TTC7A: variants seen among roughly 807,000 people sequenced by gnomAD.
The protein encoded by TTC7A is tetratricopeptide repeat protein 7A.
In TTC7A, 110 loss-of-function variants were observed where a neutral mutation model predicts 103.7. That is an observed-to-expected ratio of 1.06 (90% CI 0.91 to 1.24). The LOEUF is 1.24. TTC7A is among the 50% of genes most tolerant of loss of function. The pLI is 0.00. For synonymous variants in TTC7A, 521 were observed against 467.9 expected, an observed-to-expected ratio of 1.11 and a Z score of -1.47; for missense variants, 1,340 against 1,116.3, an observed-to-expected ratio of 1.20 and a Z score of -2.86.
At position 47,001,869 on chromosome 2, in the gene TTC7A, A is replaced by AG. The variant is rs1377055605; in HGVS notation, c.1066-4053_1066-4052insG. ...AGCGAGACTCTGTCTCAAAAAAAAA[A>AG]AAAAAAAAAAGAGTAATGCATGTCA... is the stretch of plus-strand genomic sequence containing the variant. On this transcript the variant is annotated intron_variant, in intron 8 of 19. Transcript: ENST00000319190. Among the ~76,000 whole-genome samples the AG allele has an allele frequency of 2.0e-5, 3 of 151,890 alleles. No individual in the cohort carries two copies. The East Asian group carries it at 5.8e-4, about 29-fold the overall frequency.
chr2:46,954,311 C>T (rs888069194), intron 2 of TTC7A, among the ~76,000 whole-genome samples: 46 of 152,190 alleles, frequency 3.0e-4, no homozygotes, highest in African/African-American at 9.9e-4. Flanking sequence ...TCTGGTAAAG[C>T]GACCTCCCCC....
chr2:46,948,335 G>A (rs1671112761), intron 1 of TTC7A, among the ~76,000 whole-genome samples: 1 of 152,188 alleles, frequency 6.6e-6, no homozygotes, highest in Admixed American at 6.5e-5. Flanking sequence ...TGACTGACTG[G>A]ATCTATGGGG....
intron 2 of TTC7A, among the ~76,000 whole-genome samples, chr2:46,921,733 C>T (rs1200697942): frequency 6.6e-6 from 1 of 152,150 alleles, no homozygotes; most frequent in Non-Finnish European, 1.5e-5. Flanking sequence ...ACAATGGTTT[C>T]AAAATGAAAC....
chr2:46,970,442 T>C (rs1673255690), intron 3 of TTC7A, among the ~76,000 whole-genome samples: 1 of 152,236 alleles, frequency 6.6e-6, no homozygotes, highest in Non-Finnish European at 1.5e-5. Context: ...TGGCCAGCCC[T>C]CTGGAGGCTT....
At chr2:47,027,664 G>T (rs1004282480) in intron 14 of TTC7A, among the ~76,000 whole-genome samples, 1 of 152,210 alleles carries the variant, frequency 6.6e-6, no homozygotes, top group Non-Finnish European at 1.5e-5. Flanking sequence ...TTGCCAAAAC[G>T]AGCAGGATCA....
chr2:46,941,759 G>A lies in TTC7A; in HGVS notation c.184+34G>A. ...GGGAAGAGGCTGGCTCGCCGGCAGC[G>A]AGCGCGCGAAACGCACCGCCTCCTC... On this transcript the variant is annotated intron_variant, in intron 1 of 19. Transcript: ENST00000319190. The surrounding 1 kb of genome is among the most constrained non-coding windows in gnomAD (Gnocchi z 4.2). 3 of 1,546,864 alleles carry A rather than the reference G, an allele frequency of 1.9e-6. No homozygotes were observed. The highest frequency in any genetic ancestry group is 2.6e-6 in the Non-Finnish European group (3 of 1,145,612).
At position 47,021,948 on chromosome 2, in the gene TTC7A, G is replaced by T; in HGVS notation, c.1479G>T (p.Leu493=). 6.2e-7 allele frequency: 1 copy of T among 1,614,026 alleles called. No individual in the cohort carries two copies. Among genetic ancestry groups the T allele is most frequent in the South Asian group, 1.1e-5 (1 of 91,078 alleles). The change falls in exon 12 of 20, where the codon CTG becomes CTT. Residue 493 remains leucine, a synonymous_variant. Coordinates refer to ENST00000319190, the MANE Select transcript of TTC7A (RefSeq NM_020458.4). The part of the protein sequence containing the change: ...GEFLPKGYLA[L]GLTYSLQATD... ...TCCTCCCCAAGGGCTACCTGGCTCTGGGTCTCACCTATAGCCTGCAGGCCA... is the reference window on the plus strand; with the variant it reads ...TCCTCCCCAAGGGCTACCTGGCTCTTGGTCTCACCTATAGCCTGCAGGCCA...
At chr2:46,959,493 G>C (rs4952857) in intron 3 of TTC7A, among the ~76,000 whole-genome samples, 100,021 of 152,054 alleles carry the variant, frequency 0.66, 33,732 homozygotes, top group East Asian at 0.74. Context: ...AGGGGAGCCT[G>C]AGCTGGTCAG....
At chr2:47,006,605 C>T (rs189547636) in intron 9 of TTC7A, 36 bp from the exon 10 acceptor site, 1 of 1,575,424 alleles carries the variant, frequency 6.3e-7, no homozygotes, top group East Asian at 2.2e-5. Flanking sequence ...TGGGAGGACC[C>T]CTGGTGGGTA....
At position 46,994,949 on chromosome 2, in the gene TTC7A, C is replaced by T. The variant is rs575822671; in HGVS notation, c.1002-187C>T. On this transcript the variant is annotated intron_variant, in intron 7 of 19. Coordinates refer to ENST00000319190, the MANE Select transcript of TTC7A (RefSeq NM_020458.4). ...CCGTACTATTCCAGCCCAGCAGCCA[C>T]CACCCACCGCAGCCTTTCAGATCCA... Among the ~76,000 whole-genome samples, 7 of 152,278 alleles carry T rather than the reference C, an allele frequency of 4.6e-5. No individual in the cohort carries two copies. The South Asian group carries it at 1.5e-3, about 32-fold the overall frequency.
At chr2:46,939,308 A>T (rs1332168625), upstream of TTC7A, among the ~76,000 whole-genome samples, 4 of 152,086 alleles carry the variant, frequency 2.6e-5, no homozygotes, top group African/African-American at 9.7e-5. Context: ...TAATCCTAGC[A>T]CTTTGGGAGG....
intron 8 of TTC7A, among the ~76,000 whole-genome samples, chr2:47,004,685 A>T (rs1320833893): frequency 6.6e-6 from 1 of 151,710 alleles, no homozygotes; most frequent in Non-Finnish European, 1.5e-5. Context: ...AGAAGGGAGG[A>T]TGCTGGGGGC....
intron 5 of TTC7A, among the ~76,000 whole-genome samples, chr2:46,985,272 C>T (rs1674900552): frequency 6.6e-6 from 1 of 152,156 alleles, no homozygotes; most frequent in African/African-American, 2.4e-5. Flanking sequence ...AACCTCACCA[C>T]CCTGAAGAGG....
intron 4 of TTC7A, among the ~76,000 whole-genome samples, chr2:46,976,671 G>A (rs1673911020): frequency 6.6e-6 from 1 of 152,212 alleles, no homozygotes; most frequent in South Asian, 2.1e-4. Context: ...TGTTGTTGGT[G>A]AGGGCGGGGG....
intron 18 of TTC7A, among the ~76,000 whole-genome samples, chr2:47,055,402 G>T (rs549126885): frequency 6.6e-6 from 1 of 152,246 alleles, no homozygotes; most frequent in East Asian, 1.9e-4. Context: ...TTCCAGTCCA[G>T]TGCGAGAAGC....
At chr2:46,947,166 G>GGAGA (rs914669233) in intron 1 of TTC7A, among the ~76,000 whole-genome samples, 39 of 152,336 alleles carry the variant, frequency 2.6e-4, no homozygotes, top group African/African-American at 9.1e-4. Flanking sequence ...ATGGGTTGCA[G>GGAGA]GAGAGACAGG....
At chr2:46,947,851 C>G (rs528870204) in intron 1 of TTC7A, among the ~76,000 whole-genome samples, 2 of 152,334 alleles carry the variant, frequency 1.3e-5, no homozygotes, top group South Asian at 2.1e-4. Context: ...TTTAAAATTA[C>G]TCTGTCAGAT....
At chr2:47,004,700 C>G (rs1336361232) in intron 8 of TTC7A, among the ~76,000 whole-genome samples, 1 of 151,766 alleles carries the variant, frequency 6.6e-6, no homozygotes, top group African/African-American at 2.4e-5. Context: ...GGGGGCGGCC[C>G]CCAGCAGCAT....
intron 2 of TTC7A, among the ~76,000 whole-genome samples, chr2:46,935,193 A>G (rs1051898297): frequency 5.9e-5 from 9 of 152,098 alleles, no homozygotes; most frequent in Admixed American, 3.3e-4. Context: ...CCTGCTGGAA[A>G]AGAGCTGTGA....
Sources: gnomAD v4.1 joint callset for allele counts (sites outside exome capture counted in the v4.1 genomes callset) on GRCh38, gnomAD v4.1.1 for gene constraint, Gnocchi (gnomAD v3.1) non-coding constraint, MANE v1.5 for transcripts, NCBI Gene and HGNC (gene_info 2026-07-23, HGNC 2026-07-21) for gene names.